The following CHST8 variants were observed in gnomAD, a reference collection of about 807,000 sequenced individuals.
The protein encoded by CHST8 is GALNAC-4-ST1.
In CHST8, 10 loss-of-function variants were observed where a neutral mutation model predicts 15.0. That is an observed-to-expected ratio of 0.67 (90% CI 0.41 to 1.13). CHST8 has a LOEUF of 1.13. Ranked by LOEUF, CHST8 falls within the 50% of genes most tolerant of loss-of-function variation. The pLI, the probability that CHST8 is intolerant of heterozygous loss-of-function variation, is 0.00. For synonymous variants in CHST8, 259 were observed against 256.6 expected, an observed-to-expected ratio of 1.01 and a Z score of -0.09; for missense variants, 634 against 608.2, an observed-to-expected ratio of 1.04 and a Z score of -0.45.
intron 3 of CHST8, among the ~76,000 whole-genome samples, chr19:33,762,481 A>G (rs991823031): frequency 2.6e-5 from 4 of 152,286 alleles, no homozygotes; most frequent in African/African-American, 4.8e-5. Context: ...GCGAGGGAAC[A>G]GAATCACTAA....
At chr19:33,673,119 G>T (rs1029693009) in intron 2 of CHST8, among the ~76,000 whole-genome samples, 1 of 152,168 alleles carries the variant, frequency 6.6e-6, no homozygotes, top group African/African-American at 2.4e-5. Context: ...TGTGTGGTCC[G>T]TGGGCGAGGT....
At chr19:33,696,942 G>C (rs1394678741) in intron 3 of CHST8, among the ~76,000 whole-genome samples, 1 of 151,716 alleles carries the variant, frequency 6.6e-6, no homozygotes, top group East Asian at 1.9e-4. Context: ...CCGGGTTCAA[G>C]CGATTCTCCT....
intron 1 of CHST8, among the ~76,000 whole-genome samples, chr19:33,653,624 A>T (rs1256708307): frequency 6.6e-6 from 1 of 152,206 alleles, no homozygotes; most frequent in Non-Finnish European, 1.5e-5. Context: ...CACGGTGGTT[A>T]AGAACACGGA....
Position 33,659,667 on chromosome 19 carries a change from A to G in CHST8, c.-163-8100A>G, listed in dbSNP as rs114577618. On this transcript the variant is annotated intron_variant, in intron 1 of 4. Coordinates refer to ENST00000650847, the MANE Select transcript of CHST8 (RefSeq NM_001127895.2). ...CTACAAAAAAATTAAAAAAATAACC[A>G]GGAAAGGTGGCTTGTGCCTGAAATC... Among the ~76,000 whole-genome samples the G allele has an allele frequency of 6.9e-3, 1,051 of 152,120 alleles. 12 individuals carry two copies. The highest frequency in any genetic ancestry group is 0.024 in the African/African-American group (992 of 41,492).
chr19:33,651,910 C>A (rs889757521), intron 1 of CHST8, among the ~76,000 whole-genome samples: 1 of 152,110 alleles, frequency 6.6e-6, no homozygotes, highest in Non-Finnish European at 1.5e-5. Context: ...TACCTATATA[C>A]ATTCTTTAAC....
intron 3 of CHST8, among the ~76,000 whole-genome samples, chr19:33,690,452 TTAG>T (rs1973080288): frequency 6.6e-6 from 1 of 152,112 alleles, no homozygotes; most frequent in Non-Finnish European, 1.5e-5. Flanking sequence ...TGTGTGGCCT[TTAG>T]TGCAGATTGA....
chr19:33,751,636 G>A (rs573202611), intron 3 of CHST8, among the ~76,000 whole-genome samples: 1 of 152,330 alleles, frequency 6.6e-6, no homozygotes, highest in South Asian at 2.1e-4. Flanking sequence ...GGCACTGGCA[G>A]GCAGCATCAG....
At chr19:33,674,973 T>A (rs1972790823) in intron 2 of CHST8, among the ~76,000 whole-genome samples, 1 of 152,186 alleles carries the variant, frequency 6.6e-6, no homozygotes, top group Non-Finnish European at 1.5e-5. Context: ...TGTGCACACA[T>A]GTCTACAGCA....
At chr19:33,676,868 C>T (rs1256107433) in intron 2 of CHST8, among the ~76,000 whole-genome samples, 1 of 150,716 alleles carries the variant, frequency 6.6e-6, no homozygotes, top group Non-Finnish European at 1.5e-5. Flanking sequence ...CAGAGCGAGA[C>T]CCAGACTCTT....
chr19:33,629,957 G>A (rs1014608832), intron 1 of CHST8, among the ~76,000 whole-genome samples: 6 of 152,246 alleles, frequency 3.9e-5, no homozygotes, highest in Non-Finnish European at 8.8e-5. Flanking sequence ...TTATCAGTGG[G>A]AAGCTGACAC....
chr19:33,646,524 CT>C (rs1972358550), intron 1 of CHST8, among the ~76,000 whole-genome samples: 2 of 152,164 alleles, frequency 1.3e-5, no homozygotes, highest in South Asian at 4.1e-4. Flanking sequence ...ATCTTTTGAC[CT>C]TGTGGCTAAT....
intron 3 of CHST8, among the ~76,000 whole-genome samples, chr19:33,707,013 G>C (rs1973459517): frequency 6.6e-6 from 1 of 152,208 alleles, no homozygotes; most frequent in Non-Finnish European, 1.5e-5. Context: ...CTCACAGTGA[G>C]TAAGGTGATG....
intron 3 of CHST8, among the ~76,000 whole-genome samples, chr19:33,710,144 CAG>C (rs1473620620): frequency 6.6e-6 from 1 of 152,180 alleles, no homozygotes; most frequent in Non-Finnish European, 1.5e-5. Context: ...TTTAGCATAA[CAG>C]TGTTCATAGT....
chr19:33,635,469 T>C (rs1972182300), intron 1 of CHST8, among the ~76,000 whole-genome samples: 1 of 152,088 alleles, frequency 6.6e-6, no homozygotes. Flanking sequence ...GGATCCTAGC[T>C]GGGATTCCTC....
chr19:33,673,980 C>T (rs896808151), intron 2 of CHST8, among the ~76,000 whole-genome samples: 10 of 152,212 alleles, frequency 6.6e-5, no homozygotes, highest in African/African-American at 2.4e-4. Context: ...TCCTGGACTC[C>T]TGACCTCACG....
At chr19:33,671,684 T>C (rs894733326) in intron 2 of CHST8, among the ~76,000 whole-genome samples, 10 of 152,056 alleles carry the variant, frequency 6.6e-5, no homozygotes, top group Non-Finnish European at 1.3e-4. Context: ...ATACTCACCT[T>C]TGGCCTCAAG....
At chr19:33,693,008 CT>C (rs371300363) in intron 3 of CHST8, among the ~76,000 whole-genome samples, 331 of 140,832 alleles carry the variant, frequency 2.4e-3, no homozygotes, top group South Asian at 6.1e-3. Flanking sequence ...TTCTTTCTTT[CT>C]TTTTTTTTTT....
intron 1 of CHST8, among the ~76,000 whole-genome samples, chr19:33,652,927 C>T (rs747825149): frequency 6.6e-6 from 1 of 152,152 alleles, no homozygotes; most frequent in Non-Finnish European, 1.5e-5. Context: ...TCCTCCAAAA[C>T]AACATAATGA....
chr19:33,726,887 G>A (rs1478872198), intron 3 of CHST8, among the ~76,000 whole-genome samples: 1 of 151,898 alleles, frequency 6.6e-6, no homozygotes, highest in Non-Finnish European at 1.5e-5. Flanking sequence ...CAGTGCAGCT[G>A]CTCCTGCTCC....
Sources: gnomAD v4.1 joint callset for allele counts (sites outside exome capture counted in the v4.1 genomes callset) on GRCh38, gnomAD v4.1.1 for gene constraint, MANE v1.5 for transcripts, NCBI Gene and HGNC (gene_info 2026-07-23, HGNC 2026-07-21) for gene names.